MTHFD1L: variants seen among roughly 807,000 people sequenced by gnomAD.
The protein encoded by MTHFD1L is monofunctional C1-tetrahydrofolate synthase, mitochondrial.
A neutral mutation model predicts 119.5 loss-of-function variants in MTHFD1L; 81 were observed. The ratio of observed to expected loss-of-function variants is 0.68; its 90% confidence interval spans 0.57 to 0.82. The LOEUF is 0.82. Ranked by LOEUF, MTHFD1L falls within the 40% of genes least tolerant of loss-of-function variation. The pLI is 0.00. For synonymous variants in MTHFD1L, 430 were observed against 475.2 expected (o/e 0.90, Z 1.24); for missense variants, 1,125 against 1,253.4 (o/e 0.90, Z 1.55).
At chr6:151,054,659 C>T (rs771357585) in intron 26 of MTHFD1L, among the ~76,000 whole-genome samples, 2 of 152,184 alleles carry the variant, frequency 1.3e-5, no homozygotes, top group African/African-American at 2.4e-5. Flanking sequence ...CTCTATTGAG[C>T]ACATGAACTG....
At chr6:151,065,442 C>T (rs982253071) in intron 26 of MTHFD1L, among the ~76,000 whole-genome samples, 1 of 152,336 alleles carries the variant, frequency 6.6e-6, no homozygotes, top group East Asian at 1.9e-4. Context: ...AAACTCAACT[C>T]GAGCTTATTC....
At chr6:151,088,560 G>T (rs1288319214) in intron 26 of MTHFD1L, among the ~76,000 whole-genome samples, 1 of 150,810 alleles carries the variant, frequency 6.6e-6, no homozygotes, top group African/African-American at 2.4e-5. Context: ...GAGTTCAAAC[G>T]ATTCTCCTTC....
At chr6:151,057,832 G>T (rs1790166464) in intron 26 of MTHFD1L, among the ~76,000 whole-genome samples, 1 of 152,212 alleles carries the variant, frequency 6.6e-6, no homozygotes, top group Non-Finnish European at 1.5e-5. Flanking sequence ...AGGCTGGAGT[G>T]CAGTGGTGCC....
chr6:151,071,649 C>T (rs1791955808), intron 26 of MTHFD1L, among the ~76,000 whole-genome samples: 1 of 151,946 alleles, frequency 6.6e-6, no homozygotes, highest in African/African-American at 2.4e-5. Context: ...TCAGAGAAAA[C>T]GGACTTGTTT....
chr6:151,099,516 C>T (rs1484164944), intron 27 of MTHFD1L: 3 of 1,581,574 alleles, frequency 1.9e-6, no homozygotes, highest in African/African-American at 1.3e-5. Flanking sequence ...GCCATCTCCT[C>T]CTCGGCATCT....
At chr6:151,034,447 A>G (rs967163704) in intron 24 of MTHFD1L, 46 bp from the exon 25 acceptor site, 3 of 1,321,466 alleles carry the variant, frequency 2.3e-6, no homozygotes, top group Non-Finnish European at 3.3e-6. Flanking sequence ...AAAATCTTTA[A>G]CCAGATTAAA....
chr6:150,998,750 G>T (rs970922519), intron 20 of MTHFD1L, among the ~76,000 whole-genome samples: 2 of 149,020 alleles, frequency 1.3e-5, no homozygotes, highest in African/African-American at 5.0e-5. Context: ...GCCAGGGCAG[G>T]CAGATCACTT....
At chr6:151,040,143 A>G (rs12203650) in intron 26 of MTHFD1L, among the ~76,000 whole-genome samples, 16,178 of 152,062 alleles carry the variant, frequency 0.11, 1,660 homozygotes, top group East Asian at 0.58. Flanking sequence ...GTAGCTGAGA[A>G]GGTTAGCCTC....
intron 7 of MTHFD1L, among the ~76,000 whole-genome samples, chr6:150,892,992 A>G (rs1783584120): frequency 6.6e-6 from 1 of 152,168 alleles, no homozygotes; most frequent in Non-Finnish European, 1.5e-5. Flanking sequence ...CCCAATCAGG[A>G]CAGGACACCT....
chr6:150,931,435 A>G (rs1791031502), intron 11 of MTHFD1L, among the ~76,000 whole-genome samples: 1 of 151,974 alleles, frequency 6.6e-6, no homozygotes, highest in Non-Finnish European at 1.5e-5. Flanking sequence ...ATTTTCTTTT[A>G]TTTGTGCTAC....
chr6:150,890,796 G>A (rs191398481), intron 7 of MTHFD1L, among the ~76,000 whole-genome samples: 5 of 152,156 alleles, frequency 3.3e-5, no homozygotes, highest in East Asian at 3.8e-4. Context: ...CCAAGCAGGC[G>A]ACTTGAAAAA....
rs374447294 is a variant in MTHFD1L at position 151,014,964 on chromosome 6, G to C, written c.2392G>C (p.Ala798Pro). The C allele has an allele frequency of 6.2e-7, 1 of 1,613,934 alleles. No individual in the cohort carries two copies. Among genetic ancestry groups the C allele is most frequent in the Non-Finnish European group, 8.5e-7 (1 of 1,179,994 alleles). ...TQLFGVPVVV[A>P]LNVFKTDTRA... ...GCTCTTTGGGGTTCCCGTTGTGGTG[G>C]CTCTGAATGTCTTCAAGTAAGTCCA... The change falls in exon 23 of 28, where the codon GCT becomes CCT. Residue 798 changes from alanine to proline, a missense_variant. Coordinates refer to ENST00000367321, the MANE Select transcript of MTHFD1L (RefSeq NM_015440.5).
At chr6:150,884,941 G>A (rs1337357634) in intron 5 of MTHFD1L, among the ~76,000 whole-genome samples, 1 of 152,084 alleles carries the variant, frequency 6.6e-6, no homozygotes, top group East Asian at 1.9e-4. Context: ...ATTGGTTCTG[G>A]GTTTTGAGTG....
rs1370898852 is a variant in MTHFD1L, at chr6:150,885,027, TTGC to T, written c.543-606_543-604del. Among the ~76,000 whole-genome samples the T allele has an allele frequency of 2.0e-5, 3 of 151,866 alleles. No homozygotes were observed. In the East Asian group the frequency reaches 5.8e-4, roughly 29 times the overall value. Reference sequence around the variant, plus strand: ...GTCCATTGAAAGGAGCTCCCTGGAGTTGCGAAGTGAAGCCCTGTATGGCTTTAG... The same window carrying T: ...GTCCATTGAAAGGAGCTCCCTGGAGTGAAGTGAAGCCCTGTATGGCTTTAG... On this transcript the variant is annotated intron_variant, in intron 5 of 27. Coordinates refer to ENST00000367321, the MANE Select transcript of MTHFD1L (RefSeq NM_015440.5).
At chr6:150,872,840 T>C (rs1430146891) in intron 1 of MTHFD1L, among the ~76,000 whole-genome samples, 4 of 151,812 alleles carry the variant, frequency 2.6e-5, no homozygotes, top group Non-Finnish European at 5.9e-5. Flanking sequence ...TTTTTTTTTT[T>C]TGGTAGAGAC....
At chr6:150,902,093 A>G (rs1054100266) in intron 7 of MTHFD1L, among the ~76,000 whole-genome samples, 4 of 152,196 alleles carry the variant, frequency 2.6e-5, no homozygotes, top group Non-Finnish European at 2.9e-5. Flanking sequence ...TCAAGAGGGT[A>G]GCGCTGTATT....
chr6:151,032,425 A>G (rs1785470204), intron 24 of MTHFD1L, among the ~76,000 whole-genome samples: 2 of 152,110 alleles, frequency 1.3e-5, no homozygotes, highest in African/African-American at 4.8e-5. Flanking sequence ...TCAGAGTGAG[A>G]ACTCACTCAT....
chr6:151,076,216 T>C (rs1168328415), intron 26 of MTHFD1L, among the ~76,000 whole-genome samples: 1 of 105,520 alleles, frequency 9.5e-6, no homozygotes, highest in African/African-American at 2.7e-5. Flanking sequence ...AAAAGAAAAT[T>C]AGCCAGTTGT....
At chr6:151,042,712 A>G (rs1298127594) in intron 26 of MTHFD1L, among the ~76,000 whole-genome samples, 1 of 152,248 alleles carries the variant, frequency 6.6e-6, no homozygotes, top group Non-Finnish European at 1.5e-5. Flanking sequence ...AAAGTATATG[A>G]AACAATATTA....
Sources: gnomAD v4.1 joint callset for allele counts (sites outside exome capture counted in the v4.1 genomes callset) on GRCh38, gnomAD v4.1.1 for gene constraint, MANE v1.5 for transcripts, NCBI Gene and HGNC (gene_info 2026-07-23, HGNC 2026-07-21) for gene names.